NRAP: variants seen among roughly 807,000 people sequenced by gnomAD.
The protein encoded by NRAP is nebulin related anchoring protein, also known as nebulin-related-anchoring protein.
In NRAP, 189 loss-of-function variants were observed where a neutral mutation model predicts 225.9. That is an observed-to-expected ratio of 0.84 (90% CI 0.74 to 0.94). The LOEUF (loss-of-function observed/expected upper bound fraction) is 0.94. NRAP is among the 40% of genes least tolerant of loss of function. The probability of loss-of-function intolerance (pLI) is 0.00; values close to 1 mark genes in which losing one functional copy is unlikely to be tolerated. For synonymous variants in NRAP, 769 were observed against 790.7 expected (o/e 0.97, Z 0.46); for missense variants, 2,176 against 2,168.7 (o/e 1.00, Z -0.07).
chr10:113,655,561 T>G (rs1475716202), intron 4 of NRAP, among the ~76,000 whole-genome samples: 1 of 151,924 alleles, frequency 6.6e-6, no homozygotes, highest in Non-Finnish European at 1.5e-5. Flanking sequence ...GTTCAAGCAA[T>G]TCTCCTGCCT....
intron 35 of NRAP, among the ~76,000 whole-genome samples, chr10:113,603,527 C>T (rs1194615449): frequency 6.6e-6 from 1 of 152,104 alleles, no homozygotes; most frequent in African/African-American, 2.4e-5. Context: ...TAACAGCTGC[C>T]CCCACGTCAG....
At chr10:113,644,534 G>A (rs1276593408) in intron 11 of NRAP, among the ~76,000 whole-genome samples, 1 of 152,218 alleles carries the variant, frequency 6.6e-6, no homozygotes, top group Non-Finnish European at 1.5e-5. Context: ...TTAAAAAGCA[G>A]GCAGTGGGCT....
chr10:113,602,900 ATTT>A (rs1200411780), intron 35 of NRAP, among the ~76,000 whole-genome samples: 1 of 152,168 alleles, frequency 6.6e-6, no homozygotes, highest in African/African-American at 2.4e-5. Flanking sequence ...ATTTAGGGGC[ATTT>A]GTTGTCACAC....
chr10:113,603,726 G>A (rs1055251386), intron 35 of NRAP, among the ~76,000 whole-genome samples: 2 of 152,106 alleles, frequency 1.3e-5, no homozygotes, highest in Non-Finnish European at 2.9e-5. Flanking sequence ...CCTCAAACAG[G>A]TCAAGGCTGC....
chr10:113,626,077 G>A lies in NRAP; in HGVS notation c.2214C>T (p.His738=), dbSNP rs370748149. The A allele has an allele frequency of 3.9e-5, 63 of 1,612,392 alleles. No homozygotes were observed. Among genetic ancestry groups the A allele is most frequent in the Middle Eastern group, 1.6e-4 (1 of 6,076 alleles). ...TCTGTAGCTCCTGGCTCTTCTTGGC[G>A]TGCTCCATCTGGGAGCTGTCGGTCA... ...TSVTDSSQME[H]AKKSQELQSG... Residue 738 remains histidine (H), a synonymous_variant, in exon 21 of 42, where the codon CAC becomes CAT. Transcript: ENST00000359988.
At chr10:113,589,587 A>G in intron 41 of NRAP, 79 bp downstream of exon 41, 1 of 1,531,140 alleles carries the variant, frequency 6.5e-7, no homozygotes, top group Admixed American at 2.0e-5. Context: ...GGCCAAAAAT[A>G]AACTTTGAAA....
chr10:113,588,746 C>T lies in NRAP; in HGVS notation c.*229G>A, dbSNP rs1845732308. ...GAACCACCATCACATCTTTATTCCT[C>T]AGCCCAGACACTCGAGGCACTCAAC... On this transcript the variant is annotated 3_prime_UTR_variant, in exon 42 of 42. Coordinates refer to ENST00000359988, the MANE Select transcript of NRAP (RefSeq NM_198060.4). 2 of 562,562 alleles carry T rather than the reference C, an allele frequency of 3.6e-6. No individual in the cohort carries two copies. The highest frequency in any genetic ancestry group is 6.3e-6 in the Non-Finnish European group (2 of 319,156). 34.8% of individuals were successfully genotyped at this position (562,562 alleles called of 1,614,324 possible).
chr10:113,615,248 A>C (rs552597518), intron 27 of NRAP, among the ~76,000 whole-genome samples: 1 of 152,330 alleles, frequency 6.6e-6, no homozygotes, highest in Middle Eastern at 3.4e-3. Context: ...GATTGGAAGA[A>C]GGCATGAGAT....
chr10:113,621,702 A>G (rs1847994450), intron 24 of NRAP, among the ~76,000 whole-genome samples, 167 bp downstream of exon 24: 1 of 152,230 alleles, frequency 6.6e-6, no homozygotes, highest in South Asian at 2.1e-4. Flanking sequence ...GTCTAGTTTG[A>G]ATAAAAGTTA....
chr10:113,662,099 G>A (rs1420938532), intron 3 of NRAP, among the ~76,000 whole-genome samples: 2 of 152,080 alleles, frequency 1.3e-5, no homozygotes, highest in African/African-American at 4.8e-5. Context: ...CTGTATATTG[G>A]CTCCTAATAT....
intron 29 of NRAP, among the ~76,000 whole-genome samples, chr10:113,613,855 A>C (rs1400025884): frequency 6.6e-6 from 1 of 152,128 alleles, no homozygotes; most frequent in Admixed American, 6.5e-5. Flanking sequence ...AAAAATTTGC[A>C]ATTAATCCAC....
chr10:113,660,976 G>T (rs12768564), intron 3 of NRAP, among the ~76,000 whole-genome samples: 5,447 of 152,196 alleles, frequency 0.036, 140 homozygotes, highest in South Asian at 0.15. Flanking sequence ...TTCTTGTCAA[G>T]AACACATGAG....
chr10:113,650,687 C>A, intron 7 of NRAP, 142 bp from the exon 8 acceptor site: 1 of 653,132 alleles, frequency 1.5e-6, no homozygotes, highest in South Asian at 1.8e-5. Flanking sequence ...GTTTGATGGG[C>A]CATGTGCATC....
chr10:113,662,749 T>C lies in NRAP; in HGVS notation c.185A>G (p.Asn62Ser). 1 of 1,594,936 alleles carries C rather than the reference T, an allele frequency of 6.3e-7. No homozygotes were observed. The highest frequency in any genetic ancestry group is 8.6e-7 in the Non-Finnish European group (1 of 1,163,084). Reference protein sequence around the residue: ...PYCHAHNPKNNTFTSVYHTPL... With the variant: ...PYCHAHNPKNSTFTSVYHTPL... ...AGTGTGATAGACACTGGTGAAAGTG[T>C]TGTTCTTAGGGTTATGGCTACAACA... is the stretch of plus-strand genomic sequence containing the variant. Residue 62 changes from asparagine (N) to serine (S), a missense_variant, in exon 3 of 42, where the codon AAC (asparagine) becomes AGC (serine). Asn to Ser is a conservative substitution (Grantham distance 46). Transcript: ENST00000359988.
At position 113,623,565 on chromosome 10, in the gene NRAP, G is replaced by A; in HGVS notation, c.2421C>T (p.Phe807=). 1 of 1,613,862 alleles carries A rather than the reference G, an allele frequency of 6.2e-7. No homozygotes were observed. The highest frequency in any genetic ancestry group is 2.2e-5 in the East Asian group (1 of 44,876). ...GFELRLDSLT[F]LAAKAKRDLA... ...GGTCCCTCTTGGCTTTGGCTGCCAGGAAGGTCAAGGAATCAAGACGCAGCT... is the reference window on the plus strand; with the variant it reads ...GGTCCCTCTTGGCTTTGGCTGCCAGAAAGGTCAAGGAATCAAGACGCAGCT... Residue 807 remains phenylalanine, a synonymous_variant, in exon 23 of 42, where the codon TTC becomes TTT. Transcript: ENST00000359988.
At chr10:113,636,914 G>A (rs1176649525) in intron 14 of NRAP, among the ~76,000 whole-genome samples, 2 of 150,518 alleles carry the variant, frequency 1.3e-5, no homozygotes, top group African/African-American at 4.9e-5. Flanking sequence ...GGCTGAGGCA[G>A]GAGAATCGCT....
In NRAP at chr10:113,650,073, GC is replaced by G. The variant is rs1240612196; in HGVS notation, c.851del (p.Gly284AlafsTer3). The G allele has an allele frequency of 1.2e-6, 2 of 1,610,172 alleles. No homozygotes were observed. The highest frequency in any genetic ancestry group is 2.7e-5 in the African/African-American group (2 of 74,952). ...GMAGPAIGAE[G>X]ILTRECADQY... ...GGTCTGCACATTCCCTTGTCAAGAT[GC>G]CCTCAGCTCCAATGGCTGGACCAGC... On this transcript the variant is annotated frameshift_variant, in exon 9 of 42. Coordinates refer to ENST00000359988, the MANE Select transcript of NRAP (RefSeq NM_198060.4). LOFTEE classifies it high-confidence loss of function.
chr10:113,641,828 C>A (rs78026621), intron 12 of NRAP, among the ~76,000 whole-genome samples: 2 of 152,134 alleles, frequency 1.3e-5, no homozygotes, highest in Non-Finnish European at 2.9e-5. Flanking sequence ...ACTGACTATG[C>A]GGACGTCACA....
rs1367471969 is a variant in NRAP at position 113,626,122 on chromosome 10, A to G, written c.2169T>C (p.Asp723=). ...VSEKNYRQRV[D]ELKFTSVTDS... ...CGGTCACGCTGGTGAACTTCAGCTCATCGACCCTCTGCCGGTAGTTTTTCT... is the reference window on the plus strand; with the variant it reads ...CGGTCACGCTGGTGAACTTCAGCTCGTCGACCCTCTGCCGGTAGTTTTTCT... Residue 723 remains aspartate, a synonymous_variant, in exon 21 of 42, where the codon GAT becomes GAC. Transcript: ENST00000359988. 2.5e-6 allele frequency: 4 copies of G among 1,610,376 alleles called. No individual in the cohort carries two copies. The highest frequency in any genetic ancestry group is 1.7e-5 in the Admixed American group (1 of 59,706).
Sources: allele counts gnomAD v4.1 joint callset (sites outside exome capture counted in the v4.1 genomes callset), GRCh38; gene constraint gnomAD v4.1.1; transcripts MANE v1.5; gene names NCBI Gene and HGNC (gene_info 2026-07-23, HGNC 2026-07-21).